Variants in MAN2C1 observed in about 807,000 individuals in gnomAD.
MAN2C1 encodes mannosidase alpha class 2C member 1, also known as alpha-mannosidase 2C1.
Under a neutral mutation model 126.9 loss-of-function variants are expected in MAN2C1, and 111 were observed. The observed-to-expected ratio is 0.87, with a 90% CI of 0.75 to 1.02. MAN2C1 has a LOEUF of 1.02. MAN2C1 is among the 50% of genes least tolerant of loss of function. MAN2C1 has a pLI of 0.00. For synonymous variants in MAN2C1, 567 were observed against 561.5 expected (o/e 1.01, Z -0.14); for missense variants, 1,363 against 1,364.4 (o/e 1.00, Z 0.02).
intron 4 of MAN2C1, among the ~76,000 whole-genome samples, chr15:75,365,246 C>G (rs2072551675): frequency 6.6e-6 from 1 of 152,206 alleles, no homozygotes; most frequent in African/African-American, 2.4e-5. Context: ...GAATCTGTCT[C>G]CCTTTGTTGG....
Position 75,362,970 on chromosome 15 carries a change from G to A in MAN2C1, c.791-222C>T. On this transcript the variant is annotated intron_variant, in intron 6 of 25. Transcript: ENST00000267978. This position sits in a 1 kb window ranked among gnomAD's most constrained non-coding sequence, Gnocchi z 4.5. ...GCTATGAGGCCAATTATACAGGTCA[G>A]GAAATGGAGGCTCCAGGCCCCAGAA... 1 of 546,378 alleles carries A rather than the reference G, an allele frequency of 1.8e-6. No individual in the cohort carries two copies. The highest frequency in any genetic ancestry group is 2.0e-5 in the South Asian group (1 of 50,196). The allele number at this position is 546,378 out of a possible 1,614,324, so 33.8% of individuals were successfully genotyped here. A position where few individuals can be genotyped will look rare whatever the true frequency, so the allele number is the denominator to read the frequency against.
intron 4 of MAN2C1, 45 bp downstream of exon 4, chr15:75,366,477 A>G: frequency 6.4e-7 from 1 of 1,558,888 alleles, no homozygotes; most frequent in South Asian, 1.1e-5. Context: ...GCTCACTGGT[A>G]CTCCCTCCCT....
At chr15:75,357,155 T>C in intron 21 of MAN2C1, 1 of 479,450 alleles carries the variant, frequency 2.1e-6, no homozygotes, top group Non-Finnish European at 3.7e-6. Flanking sequence ...TAAAACTTTG[T>C]TTTTTTCACA....
Position 75,361,540 on chromosome 15 carries a change from G to A in MAN2C1, c.1218+64C>T. 7.3e-7 allele frequency: 1 copy of A among 1,370,054 alleles called. No homozygotes were observed. Among genetic ancestry groups the A allele is most frequent in the East Asian group, 2.3e-5 (1 of 43,694 alleles). 84.9% of individuals were successfully genotyped at this position (1,370,054 alleles called of 1,614,324 possible). Reference sequence around the variant, plus strand: ...GTCTAGGACCCCACAATAAGGGGGAGAGGCAAATGGGCCAGGCGGGACTGA... The same window carrying A: ...GTCTAGGACCCCACAATAAGGGGGAAAGGCAAATGGGCCAGGCGGGACTGA... On this transcript the variant is annotated intron_variant, in intron 10 of 25. Transcript: ENST00000267978. The surrounding 1 kb of genome is among the most constrained non-coding windows in gnomAD (Gnocchi z 5.0).
At chr15:75,358,908 G>T in intron 18 of MAN2C1, 100 bp from the exon 19 acceptor site, 6 of 1,368,792 alleles carry the variant, frequency 4.4e-6, no homozygotes, top group East Asian at 2.4e-5. Context: ...AGTGGACAGG[G>T]GACTACTGCC....
chr15:75,361,262 C>G lies in MAN2C1; in HGVS notation c.1314+24G>C. 6.3e-7 allele frequency: 1 copy of G among 1,579,612 alleles called. No individual in the cohort carries two copies. The highest frequency in any genetic ancestry group is 1.2e-5 in the South Asian group (1 of 86,642). The stretch of plus-strand genomic sequence containing the variant: ...CAGCCCTCTCCAGCCTGCCCCTACC[C>G]CACCACCCTAGGTGACCCCTCACCT... On this transcript the variant is annotated intron_variant, in intron 11 of 25. Transcript: ENST00000267978. This position sits in a 1 kb window ranked among gnomAD's most constrained non-coding sequence, Gnocchi z 5.0.
rs1355968463 is a variant in MAN2C1 at position 75,358,308 on chromosome 15, C to A, written c.2440G>T (p.Glu814Ter). Reference protein sequence around the residue: ...WHEAHKFLKVEFPARVRSSQA... With the variant: ...WHEAHKFLKV ...GAACTCCGCACGCGAGCAGGGAACTCCACCTTCAGGAACTTGTGGGCCTCA... is the reference window on the plus strand; with the variant it reads ...GAACTCCGCACGCGAGCAGGGAACTACACCTTCAGGAACTTGTGGGCCTCA... The change falls in exon 21 of 26, where the codon GAG (glutamate) becomes TAG (stop). Residue 814 changes from glutamate to a stop codon, truncating the protein, a stop_gained. Transcript: ENST00000267978. LOFTEE classifies it high-confidence loss of function. The A allele has an allele frequency of 1.2e-6, 2 of 1,614,022 alleles. No individual in the cohort carries two copies. Among genetic ancestry groups the A allele is most frequent in the Admixed American group, 1.7e-5 (1 of 60,002 alleles).
In MAN2C1 at chr15:75,367,798, T is replaced by C. The variant is rs2072607936; in HGVS notation, c.228-164A>G. On this transcript the variant is annotated intron_variant, in intron 2 of 25. Coordinates refer to ENST00000267978, the MANE Select transcript of MAN2C1 (RefSeq NM_006715.4). ...AGGAGCAACAAGGTGAGAAGCAAGATGAGGGAAACAGGCAGAGGCGTCAAA... is the reference window on the plus strand; with the variant it reads ...AGGAGCAACAAGGTGAGAAGCAAGACGAGGGAAACAGGCAGAGGCGTCAAA... 13 of 975,700 alleles carry C rather than the reference T, an allele frequency of 1.3e-5. No individual in the cohort carries two copies. In the Admixed American group the frequency reaches 3.1e-4, roughly 23 times the overall value. The allele number at this position is 975,700 out of a possible 1,614,324, so 60.4% of individuals were successfully genotyped here. A position where few individuals can be genotyped will look rare whatever the true frequency, so the allele number is the denominator to read the frequency against.
rs755889732 is a variant in MAN2C1, at chr15:75,360,601, CAAG to C, written c.1545_1547del (p.Phe515del). On this transcript the variant is annotated inframe_deletion, in exon 13 of 26. Coordinates refer to ENST00000267978, the MANE Select transcript of MAN2C1 (RefSeq NM_006715.4). ...TGGTGTATGTGCCATTGTGCAGCTC[CAAG>C]AAGAGCTCCCCAACCCACGTGCACA... 2 of 1,613,914 alleles carry C rather than the reference CAAG, an allele frequency of 1.2e-6. No homozygotes were observed. The highest frequency in any genetic ancestry group is 2.2e-5 in the East Asian group (1 of 44,870).
rs372726783 is a variant in MAN2C1 at position 75,356,251 on chromosome 15, G to A, written c.2887-32C>T. On this transcript the variant is annotated intron_variant, in intron 24 of 25. Transcript: ENST00000267978. This position sits in a 1 kb window ranked among gnomAD's most constrained non-coding sequence, Gnocchi z 5.8. ...AGGAACACGTCTGGTGGGAGGGGCCGAGGGCAGGCCCAGTTCGGAACCCCG... is the reference window on the plus strand; with the variant it reads ...AGGAACACGTCTGGTGGGAGGGGCCAAGGGCAGGCCCAGTTCGGAACCCCG... 5.6e-5 allele frequency: 91 copies of A among 1,612,066 alleles called. No homozygotes were observed. Among genetic ancestry groups the A allele is most frequent in the African/African-American group, 4.3e-4 (32 of 75,024 alleles).
Position 75,356,476 on chromosome 15 carries a change from G to A in MAN2C1, c.2738-27C>T, listed in dbSNP as rs1460499196. 6.3e-7 allele frequency: 1 copy of A among 1,578,818 alleles called. No homozygotes were observed. Among genetic ancestry groups the A allele is most frequent in the South Asian group, 1.2e-5 (1 of 85,878 alleles). On this transcript the variant is annotated intron_variant, in intron 23 of 25. Coordinates refer to ENST00000267978, the MANE Select transcript of MAN2C1 (RefSeq NM_006715.4). This position sits in a 1 kb window ranked among gnomAD's most constrained non-coding sequence, Gnocchi z 5.8. Reference sequence around the variant, plus strand: ...TGGGGTACGACCAGGAAACAATGCTGGTGGAGAATGGGGGCTACCCTCCCC... The same window carrying A: ...TGGGGTACGACCAGGAAACAATGCTAGTGGAGAATGGGGGCTACCCTCCCC...
chr15:75,367,479 G>A, intron 3 of MAN2C1, 32 bp downstream of exon 3: 1 of 1,610,364 alleles, frequency 6.2e-7, no homozygotes, highest in Non-Finnish European at 8.5e-7. Flanking sequence ...CTGAAATGTG[G>A]CCATACCTGG....
At position 75,356,784 on chromosome 15, in the gene MAN2C1, C is replaced by A. The variant is rs1230870204; in HGVS notation, c.2657+9G>T. On this transcript the variant is annotated intron_variant, in intron 22 of 25. Transcript: ENST00000267978. The surrounding 1 kb of genome is among the most constrained non-coding windows in gnomAD (Gnocchi z 5.8). ...GCCAGCTCCCAGGCCTGGTGGGTAC[C>A]CCACTTACAGCGAGAGGCTGAGGAT... is the stretch of plus-strand genomic sequence containing the variant. 3.1e-6 allele frequency: 5 copies of A among 1,613,836 alleles called. No individual in the cohort carries two copies. In the South Asian group the frequency reaches 4.4e-5, roughly 14 times the overall value.
rs745969821 is a variant in MAN2C1 at position 75,360,224 on chromosome 15, T to C, written c.1585-13A>G. On this transcript the variant is annotated splice_polypyrimidine_tract_variant and intron_variant, in intron 13 of 25. Coordinates refer to ENST00000267978, the MANE Select transcript of MAN2C1 (RefSeq NM_006715.4). ...TCCCCTTCTTGATCTGAGCCCAGGA[T>C]GGGAAGATTAGTCTGGAGCCTGCTT... The C allele has an allele frequency of 1.9e-6, 3 of 1,606,136 alleles. No homozygotes were observed. Among genetic ancestry groups the C allele is most frequent in the Non-Finnish European group, 1.7e-6 (2 of 1,179,876 alleles).
At chr15:75,359,243 T>C in intron 17 of MAN2C1, 85 bp downstream of exon 17, 1 of 1,590,390 alleles carries the variant, frequency 6.3e-7, no homozygotes, top group Non-Finnish European at 8.6e-7. Context: ...CCTCACCACT[T>C]GCTCCAGACA....
chr15:75,361,360 C>G lies in MAN2C1; in HGVS notation c.1240G>C (p.Gly414Arg). The G allele has an allele frequency of 1.3e-6, 2 of 1,564,728 alleles. No individual in the cohort carries two copies. The highest frequency in any genetic ancestry group is 1.7e-6 in the Non-Finnish European group (2 of 1,153,948). The part of the protein sequence containing the change: ...SFPHHTFFWE[G>R]LDGSRVLVHF... ...ACCAGTACACGGGAGCCATCCAGGC[C>G]CTCCCAGAAAAATGTATGGTGCTAC... Residue 414 changes from glycine (G) to arginine (R), a missense_variant, in exon 11 of 26, where the codon GGC (glycine) becomes CGC (arginine). Coordinates refer to ENST00000267978, the MANE Select transcript of MAN2C1 (RefSeq NM_006715.4). The surrounding 1 kb of genome is among the most constrained non-coding windows in gnomAD (Gnocchi z 5.0).
chr15:75,359,628 T>C lies in MAN2C1; in HGVS notation c.1940A>G (p.His647Arg), dbSNP rs772065822. ...TTCCCCTCAGCTCGTACCTAGGCTG[T>C]GGGCCCCGCCCGGTTTGGGCAGGGC... is the stretch of plus-strand genomic sequence containing the variant. Reference protein sequence around the residue: ...VMALPKPGGAHSLALVTVPSM... With the variant: ...VMALPKPGGARSLALVTVPSM... The change falls in exon 16 of 26, where the codon CAC (histidine) becomes CGC (arginine). Residue 647 changes from histidine (H) to arginine (R), a missense_variant. By Grantham distance (29) the His-to-Arg change is conservative. This residue lies in a region of MAN2C1 where 668 missense variants were observed against 650.1 expected (regional missense o/e 1.03). Coordinates refer to ENST00000267978, the MANE Select transcript of MAN2C1 (RefSeq NM_006715.4). 3 of 1,613,992 alleles carry C rather than the reference T, an allele frequency of 1.9e-6. No individual in the cohort carries two copies. In the East Asian group the frequency reaches 6.7e-5, roughly 36 times the overall value.
chr15:75,358,850 C>T lies in MAN2C1; in HGVS notation c.2142-42G>A, dbSNP rs373671494. On this transcript the variant is annotated intron_variant, in intron 18 of 25. Transcript: ENST00000267978. ...TTGGTGCTGTACAACCAACTGACCT[C>T]GCTGTCTCCAGCTGCTCTTGGTGGG... The T allele has an allele frequency of 2.0e-5, 30 of 1,530,982 alleles. No homozygotes were observed. The African/African-American group carries it at 3.7e-4, about 19-fold the overall frequency. 94.8% of individuals were successfully genotyped at this position (1,530,982 alleles called of 1,614,324 possible).
rs763199889 is a variant in MAN2C1, at chr15:75,359,954, TCAC to T, written c.1738_1740del (p.Val580del). ...GCCACCATCTGGATGCAGCTTCCAG[TCAC>T]CACATCATGGAACTGGTTCAGAAGA... On this transcript the variant is annotated inframe_deletion, in exon 15 of 26. Coordinates refer to ENST00000267978, the MANE Select transcript of MAN2C1 (RefSeq NM_006715.4). The T allele has an allele frequency of 3.3e-5, 54 of 1,613,630 alleles. No homozygotes were observed. The highest frequency in any genetic ancestry group is 3.3e-4 in the Admixed American group (20 of 59,892).
Sources: gnomAD v4.1 joint callset for allele counts (sites outside exome capture counted in the v4.1 genomes callset) on GRCh38, gnomAD v4.1.1 for gene constraint, gnomAD v4.1.1 regional missense constraint, Gnocchi (gnomAD v3.1) non-coding constraint, MANE v1.5 for transcripts, NCBI Gene and HGNC (gene_info 2026-07-23, HGNC 2026-07-21) for gene names.